Variants in LONRF3 observed in about 807,000 individuals in gnomAD.
LONRF3 encodes the protein LON peptidase N-terminal domain and RING finger protein 3.
In LONRF3, 19 loss-of-function variants were observed where a neutral mutation model predicts 51.7. The ratio of observed to expected loss-of-function variants is 0.37; its 90% confidence interval spans 0.26 to 0.54. LONRF3 has a LOEUF of 0.54. Among genes scored for constraint, LONRF3 ranks in the 20% least tolerant of loss-of-function variants. LONRF3 has a pLI of 0.86. For synonymous variants in LONRF3, 265 were observed against 257.8 expected (o/e 1.03, Z -0.27); for missense variants, 521 against 623.9 (o/e 0.84, Z 1.76).
intron 1 of LONRF3, among the ~76,000 whole-genome samples, chrX:118,977,631 T>C (rs911157079): frequency 8.9e-6 from 1 of 112,124 alleles, no homozygotes; most frequent in African/African-American, 3.2e-5. Context: ...ATGCCTTCCC[T>C]TCTCTGGGCT....
At chrX:119,012,847 C>T (rs5910481) in intron 8 of LONRF3, 192 bp from the exon 9 acceptor site, 487,646 of 1,132,831 alleles carry the variant, frequency 0.43, 73,943 homozygotes, top group East Asian at 0.49. Flanking sequence ...AGCAGTTACA[C>T]GAATACATTA....
chrX:118,974,689 G>A lies in LONRF3; in HGVS notation c.-92G>A. ...AGGGTCAGGAGCTCGGTGGCATGGC[G>A]GCGGTGGCTGCCCCGATTTCCTCCA... On this transcript the variant is annotated 5_prime_UTR_variant, in exon 1 of 11. Coordinates refer to ENST00000371628, the MANE Select transcript of LONRF3 (RefSeq NM_001031855.3). The A allele has an allele frequency of 1.2e-6, 1 of 816,097 alleles. No homozygotes were observed. 67.3% of individuals were successfully genotyped at this position (816,097 alleles called of 1,213,427 possible).
chrX:118,989,337 T>C, intron 3 of LONRF3, 71 bp from the exon 4 acceptor site: 2 of 1,129,748 alleles, frequency 1.8e-6, no homozygotes, highest in South Asian at 2.0e-5. Flanking sequence ...CCTTTGTTCC[T>C]CTGGGTAGGA....
intron 5 of LONRF3, among the ~76,000 whole-genome samples, chrX:118,991,917 C>T (rs181603971): frequency 3.6e-5 from 4 of 111,517 alleles, no homozygotes; most frequent in Non-Finnish European, 5.6e-5. Flanking sequence ...GGTCTATGGA[C>T]CTCTGAGGAT....
Position 118,997,117 on chromosome X carries a change from AC to A in LONRF3, c.1415+6558del, listed in dbSNP as rs997481508. Among the ~76,000 whole-genome samples, 30 of 111,003 alleles carry A rather than the reference AC, an allele frequency of 2.7e-4. No homozygotes were observed. In the East Asian group the frequency reaches 7.3e-3, roughly 27 times the overall value. The stretch of plus-strand genomic sequence containing the variant: ...CATTCTTCATAGAATTAGAAAAAAA[AC>A]AATTCTAAAATTCATATGGACCCAA... On this transcript the variant is annotated intron_variant, in intron 5 of 10. Coordinates refer to ENST00000371628, the MANE Select transcript of LONRF3 (RefSeq NM_001031855.3).
intron 3 of LONRF3, among the ~76,000 whole-genome samples, chrX:118,985,212 C>T (rs1216170156): frequency 1.8e-5 from 2 of 112,113 alleles, no homozygotes; most frequent in Non-Finnish European, 3.8e-5. Flanking sequence ...CACCCTCTGC[C>T]CTTTCATCCT....
At chrX:118,994,245 G>A (rs760605920) in intron 5 of LONRF3, among the ~76,000 whole-genome samples, 48 of 111,361 alleles carry the variant, frequency 4.3e-4, no homozygotes, top group Admixed American at 4.1e-3. Flanking sequence ...ATACAGAACC[G>A]CAGAATGGAT....
At chrX:119,002,782 C>T (rs370856932) in intron 5 of LONRF3, among the ~76,000 whole-genome samples, 10 of 110,918 alleles carry the variant, frequency 9.0e-5, no homozygotes, top group African/African-American at 3.0e-4. Context: ...AACTTAAAAG[C>T]GCTTCTTCTT....
intron 6 of LONRF3, 31 bp from the exon 7 acceptor site, chrX:119,009,095 G>C (rs2147304217): frequency 4.3e-6 from 5 of 1,174,685 alleles, no homozygotes; most frequent in Non-Finnish European, 5.8e-6. Flanking sequence ...TTACCTAATT[G>C]CATATTGTCT....
intron 8 of LONRF3, chrX:119,012,806 C>A: frequency 1.2e-6 from 1 of 844,401 alleles, no homozygotes; most frequent in African/African-American, 2.0e-5. Context: ...ATAGCACTGG[C>A]ACAGCACATA....
chrX:118,980,316 A>C (rs186375896), intron 2 of LONRF3, among the ~76,000 whole-genome samples: 1 of 112,420 alleles, frequency 8.9e-6, no homozygotes, highest in African/African-American at 3.2e-5. Context: ...CCTGTAATCC[A>C]ACACACTATT....
intron 5 of LONRF3, among the ~76,000 whole-genome samples, chrX:118,994,724 C>T (rs907277878): frequency 9.0e-6 from 1 of 111,637 alleles, no homozygotes; most frequent in African/African-American, 3.3e-5. Flanking sequence ...AAAGCAACAG[C>T]AGTTAAAAGA....
chrX:118,983,962 CG>C (rs759435434), intron 3 of LONRF3, among the ~76,000 whole-genome samples: 3 of 112,056 alleles, frequency 2.7e-5, no homozygotes, highest in South Asian at 7.4e-4. Context: ...GAGAGGAGCA[CG>C]GTTCGGGGAG....
chrX:119,003,931 A>C (rs1924514266), intron 5 of LONRF3, among the ~76,000 whole-genome samples: 1 of 111,952 alleles, frequency 8.9e-6, no homozygotes, highest in Non-Finnish European at 1.9e-5. Flanking sequence ...TAAGATGATG[A>C]CATTTCTAAT....
chrX:118,990,430 G>A, intron 4 of LONRF3, 40 bp from the exon 5 acceptor site: 1 of 1,057,298 alleles, frequency 9.5e-7, no homozygotes, highest in Non-Finnish European at 1.3e-6. Context: ...TATGAAACCG[G>A]GGTGGCTCCA....
In LONRF3 at chrX:119,011,919, G is replaced by A; in HGVS notation, c.1757G>A (p.Cys586Tyr). The A allele has an allele frequency of 8.3e-7, 1 of 1,211,906 alleles. No homozygotes were observed. The highest frequency in any genetic ancestry group is 1.1e-6 in the Non-Finnish European group (1 of 895,509). Residue 586 changes from cysteine to tyrosine, a missense_variant, in exon 8 of 11, where the codon TGC becomes TAC. Physicochemically the swap from Cys to Tyr is radical, Grantham distance 194. Coordinates refer to ENST00000371628, the MANE Select transcript of LONRF3 (RefSeq NM_001031855.3). Reference sequence around the variant, plus strand: ...TGTTACCGCCTGATGATTCGTAGATGCATTGAGACAGGCACGAGACAGTTT... The same window carrying A: ...TGTTACCGCCTGATGATTCGTAGATACATTGAGACAGGCACGAGACAGTTT... ...EPCYRLMIRR[C>Y]IETGTRQFGM...
intron 5 of LONRF3, among the ~76,000 whole-genome samples, chrX:119,003,410 G>A (rs1924472239): frequency 8.9e-6 from 1 of 111,819 alleles, no homozygotes; most frequent in South Asian, 3.7e-4. Context: ...CGAATGATAT[G>A]AGAGATGATC....
chrX:118,988,468 G>T lies in LONRF3; in HGVS notation c.1060-940G>T, dbSNP rs187390740. Among the ~76,000 whole-genome samples, 508 of 111,639 alleles carry T rather than the reference G, an allele frequency of 4.6e-3. 4 individuals are homozygous for T. The highest frequency in any genetic ancestry group is 5.0e-3 in the Non-Finnish European group (263 of 53,097). ...GGAAAGTCAAGGTTGTAGTATTGCT[G>T]TAGTGCTGGAGAAAACCCCAACTCC... On this transcript the variant is annotated intron_variant, in intron 3 of 10. Transcript: ENST00000371628.
chrX:119,001,166 A>C (rs1459382159), intron 5 of LONRF3, among the ~76,000 whole-genome samples: 3 of 111,981 alleles, frequency 2.7e-5, no homozygotes, highest in Non-Finnish European at 5.6e-5. Context: ...TAAAGTGGTA[A>C]AAAAATTCTA....
Sources: allele counts gnomAD v4.1 joint callset (sites outside exome capture counted in the v4.1 genomes callset), GRCh38; gene constraint gnomAD v4.1.1; transcripts MANE v1.5; gene names NCBI Gene and HGNC (gene_info 2026-07-23, HGNC 2026-07-21).